The following ADCY10 variants were observed in gnomAD, a reference collection of about 807,000 sequenced individuals.
ADCY10 encodes adenylate cyclase type 10.
Under a neutral mutation model 183.3 loss-of-function variants are expected in ADCY10, and 156 were observed. The ratio of observed to expected loss-of-function variants is 0.85; its 90% CI spans 0.75 to 0.97. The LOEUF is 0.97. ADCY10 is among the 50% of genes least tolerant of loss of function. The probability of loss-of-function intolerance (pLI) is 0.00; values close to 1 mark genes in which losing one functional copy is unlikely to be tolerated. For missense variants in ADCY10, 1,745 were observed against 1,934.3 expected (o/e 0.90, Z 1.84); for synonymous variants, 645 against 670.0 (o/e 0.96, Z 0.58).
chr1:167,848,251 A>G (rs1571293913), intron 19 of ADCY10, 110 bp downstream of exon 19: 3 of 847,476 alleles, frequency 3.5e-6, no homozygotes, highest in East Asian at 2.7e-5. Context: ...GGGTTTCACC[A>G]TATTGGCCAG....
Position 167,899,466 on chromosome 1 carries a change from C to A in ADCY10, c.599G>T (p.Ser200Ile), listed in dbSNP as rs1484151994. 6.2e-7 allele frequency: 1 copy of A among 1,614,108 alleles called. No homozygotes were observed. The highest frequency in any genetic ancestry group is 8.5e-7 in the Non-Finnish European group (1 of 1,180,052). ...SPNCWQLCDR[S>I]MIEIESVPDQ... The stretch of plus-strand genomic sequence containing the variant: ...TGGAACACTCTCAATTTCAATCATG[C>A]TCCGGTCACAGAGCTGCCAGCAGTT... The change falls in exon 6 of 33, where the codon AGC becomes ATC. Residue 200 changes from serine (S) to isoleucine (I), a missense_variant. Physicochemically the swap from Ser to Ile is moderately radical, Grantham distance 142. Coordinates refer to ENST00000367851, the MANE Select transcript of ADCY10 (RefSeq NM_018417.6).
At chr1:167,849,659 C>T (rs1183180204) in intron 18 of ADCY10, among the ~76,000 whole-genome samples, 1 of 152,194 alleles carries the variant, frequency 6.6e-6, no homozygotes, top group Non-Finnish European at 1.5e-5. Context: ...GAGACAGATA[C>T]ATAAGTAACT....
Position 167,856,365 on chromosome 1 carries a change from C to T in ADCY10, c.1971G>A (p.Met657Ile), listed in dbSNP as rs541748843. 6.2e-7 allele frequency: 1 copy of T among 1,614,120 alleles called. No individual in the cohort carries two copies. Among genetic ancestry groups the T allele is most frequent in the South Asian group, 1.1e-5 (1 of 91,078 alleles). Residue 657 changes from methionine to isoleucine, a missense_variant, in exon 17 of 33, where the codon ATG (methionine) becomes ATA (isoleucine). By Grantham distance (10) the Met-to-Ile change is conservative (BLOSUM62 1). Coordinates refer to ENST00000367851, the MANE Select transcript of ADCY10 (RefSeq NM_018417.6). Reference sequence around the variant, plus strand: ...TAGGAAGAGTCCGGATAAGCTTCTCCATAAATCTCCAGGAGGTCGAATCCA... The same window carrying T: ...TAGGAAGAGTCCGGATAAGCTTCTCTATAAATCTCCAGGAGGTCGAATCCA... The part of the protein sequence containing the change: ...QFVDSTSWRF[M>I]EKLIRTLPIF...
At chr1:167,878,139 G>T (rs1667606806) in intron 12 of ADCY10, among the ~76,000 whole-genome samples, 1 of 152,144 alleles carries the variant, frequency 6.6e-6, no homozygotes, top group African/African-American at 2.4e-5. Flanking sequence ...TAAATGGTTG[G>T]TGATTGGGCC....
Position 167,845,706 on chromosome 1 carries a change from C to T in ADCY10, c.2864G>A (p.Arg955His), listed in dbSNP as rs753919911. 2.8e-5 allele frequency: 46 copies of T among 1,614,086 alleles called. No individual in the cohort carries two copies. The East Asian group carries it at 3.1e-4, about 11-fold the overall frequency. The change falls in exon 21 of 33, where the codon CGC becomes CAC. Residue 955 changes from arginine to histidine, a missense_variant. Physicochemically the swap from Arg to His is conservative, Grantham distance 29. Transcript: ENST00000367851. Reference protein sequence around the residue: ...QRKAMHLKCARFLEEDAHRCD... With the variant: ...QRKAMHLKCAHFLEEDAHRCD... ...TCTGTGGGCATCTTCTTCTAAAAAG[C>T]GGGCACATTTCAAGTGCATGGCTTT...
chr1:167,876,239 A>G lies in ADCY10; in HGVS notation c.1407-1053T>C, dbSNP rs535637327. Among the ~76,000 whole-genome samples, 4 of 151,356 alleles carry G rather than the reference A, an allele frequency of 2.6e-5. No individual in the cohort carries two copies. The East Asian group carries it at 7.8e-4, about 29-fold the overall frequency. On this transcript the variant is annotated intron_variant, in intron 12 of 32. Transcript: ENST00000367851. Reference sequence around the variant, plus strand: ...GCCATTGCATTCCATCCTGGGCAACAAAAGCAAAGCTCCATCTCAAAAAAA... The same window carrying G: ...GCCATTGCATTCCATCCTGGGCAACGAAAGCAAAGCTCCATCTCAAAAAAA...
intron 13 of ADCY10, among the ~76,000 whole-genome samples, chr1:167,872,070 G>C (rs992896251): frequency 6.6e-6 from 1 of 152,056 alleles, no homozygotes; most frequent in Admixed American, 6.5e-5. Flanking sequence ...GGCTGGGAGC[G>C]GTGGCTCACG....
rs564979238 is a variant in ADCY10, at chr1:167,887,207, A to G, written c.829-3579T>C. On this transcript the variant is annotated intron_variant, in intron 8 of 32. Coordinates refer to ENST00000367851, the MANE Select transcript of ADCY10 (RefSeq NM_018417.6). Reference sequence around the variant, plus strand: ...CATCCCATTACTGGGTATGTACCCAAAGGATTATAAATCATGCTGCTATAA... The same window carrying G: ...CATCCCATTACTGGGTATGTACCCAGAGGATTATAAATCATGCTGCTATAA... Among the ~76,000 whole-genome samples, 126 of 152,328 alleles carry G rather than the reference A, an allele frequency of 8.3e-4. 1 individual carries two copies. The South Asian group carries it at 0.024, about 29-fold the overall frequency.
chr1:167,847,015 T>A (rs977372965), intron 19 of ADCY10, among the ~76,000 whole-genome samples: 2 of 151,642 alleles, frequency 1.3e-5, no homozygotes, highest in African/African-American at 2.4e-5. Context: ...AACCTCCGCC[T>A]CCTGGGTTCA....
At chr1:167,824,253 G>A (rs1186409071) in intron 28 of ADCY10, among the ~76,000 whole-genome samples, 1 of 152,174 alleles carries the variant, frequency 6.6e-6, no homozygotes, top group African/African-American at 2.4e-5. Context: ...AACCCGGAAG[G>A]CAGAGGTTGC....
intron 14 of ADCY10, among the ~76,000 whole-genome samples, chr1:167,869,062 A>AGTAGTTAAAGAC (rs993580881): frequency 1.1e-4 from 17 of 152,388 alleles, no homozygotes; most frequent in Admixed American, 9.1e-4. Context: ...ATCAAAGGCA[A>AGTAGTTAAAGAC]GTAGTTAAAG....
chr1:167,842,178 C>G (rs1427703562), intron 21 of ADCY10, among the ~76,000 whole-genome samples: 1 of 151,996 alleles, frequency 6.6e-6, no homozygotes, highest in Non-Finnish European at 1.5e-5. Context: ...CTTTTTTTTC[C>G]CCTTTTGGGG....
At chr1:167,817,969 TA>T (rs1489826724) in intron 31 of ADCY10, 102 bp downstream of exon 31, 3 of 1,222,962 alleles carry the variant, frequency 2.5e-6, no homozygotes, top group African/African-American at 1.5e-5. Flanking sequence ...ACTTCTATTA[TA>T]AAAATATATG....
At chr1:167,857,348 C>T (rs1192168081) in intron 16 of ADCY10, among the ~76,000 whole-genome samples, 1 of 152,206 alleles carries the variant, frequency 6.6e-6, no homozygotes, top group Non-Finnish European at 1.5e-5. Flanking sequence ...ACTCCTGCAG[C>T]CCCGTTCTGT....
At chr1:167,878,383 T>C (rs1338694816) in intron 12 of ADCY10, 63 bp downstream of exon 12, 1 of 1,561,320 alleles carries the variant, frequency 6.4e-7, no homozygotes, top group African/African-American at 1.4e-5. Flanking sequence ...GTGACTGCTT[T>C]GCTATCATAA....
intron 5 of ADCY10, 115 bp from the exon 6 acceptor site, chr1:167,899,743 C>G: frequency 2.1e-6 from 2 of 969,504 alleles, no homozygotes; most frequent in Non-Finnish European, 1.6e-6. Flanking sequence ...AGAGCAAAAT[C>G]TCACTTCTAA....
chr1:167,901,548 C>T, intron 5 of ADCY10, 114 bp downstream of exon 5: 1 of 1,070,786 alleles, frequency 9.3e-7, no homozygotes, highest in Non-Finnish European at 1.4e-6. Context: ...AAGTTCAGGG[C>T]ATCATGGGGC....
At chr1:167,880,253 G>A (rs1667777930) in intron 10 of ADCY10, 62 bp from the exon 11 acceptor site, 3 of 1,418,360 alleles carry the variant, frequency 2.1e-6, no homozygotes, top group Non-Finnish European at 2.0e-6. Context: ...TAGAGAAAGT[G>A]GGAAGGGTGG....
chr1:167,876,188 C>T (rs203831), intron 12 of ADCY10, among the ~76,000 whole-genome samples: 49,588 of 149,508 alleles, frequency 0.33, 9,203 homozygotes, highest in African/African-American at 0.5. Flanking sequence ...ACCCAAGAGA[C>T]AGAGGTTGCA....
Sources: allele counts gnomAD v4.1 joint callset (sites outside exome capture counted in the v4.1 genomes callset), GRCh38; gene constraint gnomAD v4.1.1; transcripts MANE v1.5; gene names NCBI Gene and HGNC (gene_info 2026-07-23, HGNC 2026-07-21).